Variants in XAB2 observed in about 807,000 individuals in gnomAD.
XAB2 encodes XPA binding protein 2, also known as pre-mRNA-splicing factor SYF1.
A neutral mutation model predicts 113.4 loss-of-function variants in XAB2; 57 were observed. The observed-to-expected ratio is 0.50, with a 90% CI of 0.41 to 0.63. XAB2 has a LOEUF of 0.63. Ranked by LOEUF, XAB2 falls within the 20% of genes least tolerant of loss-of-function variation. XAB2 has a pLI of 0.00. For missense variants in XAB2, 1,037 were observed against 1,233.3 expected, an observed-to-expected ratio of 0.84 and a Z score of 2.38; for synonymous variants, 497 against 498.8, an observed-to-expected ratio of 1.00 and a Z score of 0.05.
chr19:7,625,450 A>T lies in XAB2; in HGVS notation c.822+430T>A, dbSNP rs1402661531. On this transcript the variant is annotated intron_variant, in intron 6 of 18. Coordinates refer to ENST00000358368, the MANE Select transcript of XAB2 (RefSeq NM_020196.3). The surrounding 1 kb of genome is among the most constrained non-coding windows in gnomAD (Gnocchi z 5.2). ...CAGGATAGTAATCGTGTGCAGGGAT[A>T]TGCATGTCTGTCAAAAATGGCACTT... 1.4e-5 allele frequency among the ~76,000 whole-genome samples: 2 copies of T among 147,632 alleles called. No individual in the cohort carries two copies. The highest frequency in any genetic ancestry group is 5.0e-5 in the African/African-American group (2 of 39,950).
Position 7,622,511 on chromosome 19 carries a change from C to G in XAB2, c.1503+19G>C, listed in dbSNP as rs1390527811. 6.2e-7 allele frequency: 1 copy of G among 1,613,918 alleles called. No homozygotes were observed. The highest frequency in any genetic ancestry group is 1.7e-5 in the Admixed American group (1 of 60,032). ...GCTGAGTCCGGGGCCCCGTCCCTCC[C>G]CAGCCACAGGCAGCTCACCTGGAAG... On this transcript the variant is annotated intron_variant, in intron 11 of 18. Transcript: ENST00000358368.
At chr19:7,629,137 C>T (rs1417832953) in intron 1 of XAB2, among the ~76,000 whole-genome samples, 1 of 152,198 alleles carries the variant, frequency 6.6e-6, no homozygotes, top group Non-Finnish European at 1.5e-5. Context: ...CGTAAGCAAG[C>T]CTTTACTTCA....
chr19:7,622,632 G>A lies in XAB2; in HGVS notation c.1401C>T (p.Ala467=), dbSNP rs773292866. 15 of 1,611,676 alleles carry A rather than the reference G, an allele frequency of 9.3e-6. No individual in the cohort carries two copies. The highest frequency in any genetic ancestry group is 5.0e-5 in the Admixed American group (3 of 60,030). ...RKATALPARR[A]EYFDGSEPVQ... The stretch of plus-strand genomic sequence containing the variant: ...CGGGCTCTGAACCATCAAAGTACTC[G>A]GCCCGGCGGGCAGGCAGCGCCGTGG... Residue 467 remains alanine (A), a synonymous_variant, in exon 11 of 19, where the codon GCC becomes GCT. Coordinates refer to ENST00000358368, the MANE Select transcript of XAB2 (RefSeq NM_020196.3).
chr19:7,619,568 G>C lies in XAB2; in HGVS notation c.*18C>G. On this transcript the variant is annotated 3_prime_UTR_variant, in exon 19 of 19. Transcript: ENST00000358368. ...GTATTGGGGAGGGGGTGGGGAGGGG[G>C]GATGGGGGAGGGACGGGTCAGTCTT... 1.1e-6 allele frequency: 1 copy of C among 924,848 alleles called. No individual in the cohort carries two copies. The highest frequency in any genetic ancestry group is 1.5e-6 in the Non-Finnish European group (1 of 667,158). 57.3% of individuals were successfully genotyped at this position (924,848 alleles called of 1,614,324 possible).
In XAB2 at chr19:7,625,967, G is replaced by C. The variant is rs200441084; in HGVS notation, c.735C>G (p.Arg245=). The C allele has an allele frequency of 8.7e-6, 14 of 1,613,836 alleles. No individual in the cohort carries two copies. The highest frequency in any genetic ancestry group is 1.1e-5 in the Non-Finnish European group (13 of 1,179,904). ...GGTCGGTGAAGCGGGTGAGGCCCCC[G>C]CGGATGATGGCGTCCACATTGAGGG... is the stretch of plus-strand genomic sequence containing the variant. The part of the protein sequence containing the change: ...VQSLNVDAII[R]GGLTRFTDQL... Residue 245 remains arginine (R), a synonymous_variant, in exon 6 of 19, where the codon CGC becomes CGG. Transcript: ENST00000358368. The surrounding 1 kb of genome is among the most constrained non-coding windows in gnomAD (Gnocchi z 5.2).
Position 7,628,330 on chromosome 19 carries a change from GC to G in XAB2, c.52-33del. On this transcript the variant is annotated intron_variant, in intron 1 of 18. Coordinates refer to ENST00000358368, the MANE Select transcript of XAB2 (RefSeq NM_020196.3). This position sits in a 1 kb window ranked among gnomAD's most constrained non-coding sequence, Gnocchi z 4.6. ...GGGCCAGGGAATGGGAAGAAGAGAG[GC>G]CTACCCTCAGAGCCTGTGTGCAGCA... is the stretch of plus-strand genomic sequence containing the variant. 6.2e-7 allele frequency: 1 copy of G among 1,613,088 alleles called. No homozygotes were observed. The highest frequency in any genetic ancestry group is 1.7e-4 in the Middle Eastern group (1 of 5,722).
At position 7,622,460 on chromosome 19, in the gene XAB2, T is replaced by G; in HGVS notation, c.1504-16A>C. ...CCTTGGTGGACTGCAGGGGTGGGGATGGGAAAGGTTGGAGCTGGTTCTGGA... is the reference window on the plus strand; with the variant it reads ...CCTTGGTGGACTGCAGGGGTGGGGAGGGGAAAGGTTGGAGCTGGTTCTGGA... On this transcript the variant is annotated splice_polypyrimidine_tract_variant and intron_variant, in intron 11 of 18. Coordinates refer to ENST00000358368, the MANE Select transcript of XAB2 (RefSeq NM_020196.3). The G allele has an allele frequency of 1.2e-6, 2 of 1,613,844 alleles. No homozygotes were observed. The highest frequency in any genetic ancestry group is 1.7e-6 in the Non-Finnish European group (2 of 1,179,940).
chr19:7,622,171 C>T (rs1380980072), intron 12 of XAB2, 160 bp downstream of exon 12: 1 of 700,648 alleles, frequency 1.4e-6, no homozygotes, highest in African/African-American at 1.8e-5. Context: ...CGATCCTGGA[C>T]TTCCAGCCTC....
Position 7,627,446 on chromosome 19 carries a change from G to A in XAB2, c.325-6C>T. On this transcript the variant is annotated splice_polypyrimidine_tract_variant and splice_region_variant and intron_variant, in intron 3 of 18. Transcript: ENST00000358368. The surrounding 1 kb of genome is among the most constrained non-coding windows in gnomAD (Gnocchi z 4.5). ...TCTAGCCACAGACGAGGCATCTGGG[G>A]GTGTGGGGAGAGGCGGCTGGGGCTA... is the stretch of plus-strand genomic sequence containing the variant. The A allele has an allele frequency of 3.7e-6, 6 of 1,601,486 alleles. No individual in the cohort carries two copies. Among genetic ancestry groups the A allele is most frequent in the Non-Finnish European group, 5.1e-6 (6 of 1,175,414 alleles).
Position 7,622,339 on chromosome 19 carries a change from T to C in XAB2, c.1609A>G (p.Ser537Gly), listed in dbSNP as rs749535341. Residue 537 changes from serine (S) to glycine (G), a missense_variant, in exon 12 of 19, where the codon AGC (serine) becomes GGC (glycine). Ser to Gly is a moderately conservative substitution (Grantham distance 56). Transcript: ENST00000358368. ...FLEEHKYFEE[S>G]FKAYERGISL... ...CCACCCTAGCCCCTCACCTTGAAGC[T>C]CTCCTCGAAGTACTTGTGCTCCTCC... The C allele has an allele frequency of 6.8e-6, 11 of 1,614,074 alleles. No homozygotes were observed. Among genetic ancestry groups the C allele is most frequent in the Non-Finnish European group, 8.5e-6 (10 of 1,180,022 alleles).
intron 1 of XAB2, among the ~76,000 whole-genome samples, chr19:7,629,120 C>T (rs1241437783): frequency 6.6e-6 from 1 of 152,222 alleles, no homozygotes; most frequent in Non-Finnish European, 1.5e-5. Context: ...AACCAGAACC[C>T]TGGCCTCGTA....
intron 12 of XAB2, chr19:7,621,950 C>T: frequency 4.3e-6 from 1 of 232,114 alleles, no homozygotes. Context: ...CCCAGTACCT[C>T]AGAAAGTAGA....
At position 7,626,125 on chromosome 19, in the gene XAB2, G is replaced by A. The variant is rs377544833; in HGVS notation, c.657+11C>T. ...CCCTCCCACCCAGTTGCCGGCTCCC[G>A]GCAGGCCCACCTGGTAGTTGGACTT... On this transcript the variant is annotated intron_variant, in intron 5 of 18. Coordinates refer to ENST00000358368, the MANE Select transcript of XAB2 (RefSeq NM_020196.3). The A allele has an allele frequency of 2.2e-5, 36 of 1,613,056 alleles. 1 individual carries two copies. The highest frequency in any genetic ancestry group is 1.6e-4 in the Middle Eastern group (1 of 6,082).
rs1346012102 is a variant in XAB2, at chr19:7,623,724, C to T, written c.1119+7G>A. On this transcript the variant is annotated splice_region_variant and intron_variant, in intron 8 of 18. Coordinates refer to ENST00000358368, the MANE Select transcript of XAB2 (RefSeq NM_020196.3). This position sits in a 1 kb window ranked among gnomAD's most constrained non-coding sequence, Gnocchi z 4.6. ...TCAGGGGTAGGACTGGGGCAGGCTTCATGTACCTCCCGGGGGCGGCCCTGG... is the reference window on the plus strand; with the variant it reads ...TCAGGGGTAGGACTGGGGCAGGCTTTATGTACCTCCCGGGGGCGGCCCTGG... 3 of 1,591,402 alleles carry T rather than the reference C, an allele frequency of 1.9e-6. No homozygotes were observed. Among genetic ancestry groups the T allele is most frequent in the Non-Finnish European group, 2.6e-6 (3 of 1,171,096 alleles).
rs1449672735 is a variant in XAB2, at chr19:7,620,089, G to A, written c.2267-14C>T. On this transcript the variant is annotated splice_polypyrimidine_tract_variant and intron_variant, in intron 16 of 18. Transcript: ENST00000358368. Reference sequence around the variant, plus strand: ...CCAGGTCAGACACTAGGGGGTGGGAGCAGGGGGTCAGCGCCACGGGGGCCC... The same window carrying A: ...CCAGGTCAGACACTAGGGGGTGGGAACAGGGGGTCAGCGCCACGGGGGCCC... The A allele has an allele frequency of 1.2e-6, 2 of 1,609,658 alleles. No homozygotes were observed. Among genetic ancestry groups the A allele is most frequent in the East Asian group, 2.2e-5 (1 of 44,874 alleles).
chr19:7,621,659 C>T (rs575821092), intron 12 of XAB2: 5 of 283,662 alleles, frequency 1.8e-5, no homozygotes, highest in Non-Finnish European at 2.0e-5. Context: ...TATGCATGTA[C>T]GACCTCCCCA....
In XAB2 at chr19:7,624,258, C is replaced by T. The variant is rs1360593250; in HGVS notation, c.967+43G>A. 8 of 1,608,032 alleles carry T rather than the reference C, an allele frequency of 5.0e-6. No homozygotes were observed. Among genetic ancestry groups the T allele is most frequent in the Non-Finnish European group, 6.8e-6 (8 of 1,179,882 alleles). ...GTGTCCCGCCCCTACCGCTAATGTC[C>T]ACTCAGCTCTCTCCCCACCAGCCGG... On this transcript the variant is annotated intron_variant, in intron 7 of 18. Coordinates refer to ENST00000358368, the MANE Select transcript of XAB2 (RefSeq NM_020196.3). The surrounding 1 kb of genome is among the most constrained non-coding windows in gnomAD (Gnocchi z 4.2).
intron 4 of XAB2, 54 bp from the exon 5 acceptor site, chr19:7,626,324 C>A: frequency 6.3e-7 from 1 of 1,581,752 alleles, no homozygotes; most frequent in Non-Finnish European, 8.6e-7. Flanking sequence ...GCTACGCCCA[C>A]CTCCCGATTC....
rs748734992 is a variant in XAB2 at position 7,627,858 on chromosome 19, A to G, written c.201-7T>C. ...TCGGTACCAGAGTTTGTAGCTGGGG[A>G]ATAGGAGGGGACAGATGCTGATCGG... is the stretch of plus-strand genomic sequence containing the variant. On this transcript the variant is annotated splice_region_variant and splice_polypyrimidine_tract_variant and intron_variant, in intron 2 of 18. Transcript: ENST00000358368. This position sits in a 1 kb window ranked among gnomAD's most constrained non-coding sequence, Gnocchi z 4.5. The G allele has an allele frequency of 1.9e-6, 3 of 1,611,374 alleles. No individual in the cohort carries two copies. In the East Asian group the frequency reaches 6.7e-5, roughly 36 times the overall value.
Sources: allele counts gnomAD v4.1 joint callset (sites outside exome capture counted in the v4.1 genomes callset), GRCh38; gene constraint gnomAD v4.1.1; non-coding constraint Gnocchi (gnomAD v3.1); transcripts MANE v1.5; gene names NCBI Gene and HGNC (gene_info 2026-07-23, HGNC 2026-07-21).